ASPH: variants seen among roughly 807,000 people sequenced by gnomAD.
ASPH encodes aspartate beta-hydroxylase, also known as aspartyl/asparaginyl beta-hydroxylase.
In ASPH, 100 loss-of-function variants were observed where a neutral mutation model predicts 118.4. That is an observed-to-expected ratio of 0.84 (90% CI 0.72 to 1.00). ASPH has a LOEUF of 1.00. Among genes scored for constraint, ASPH ranks in the 50% least tolerant of loss-of-function variants. The pLI is 0.00. For synonymous variants in ASPH, 315 were observed against 325.6 expected (o/e 0.97, Z 0.35); for missense variants, 920 against 919.5 (o/e 1.00, Z -0.01).
At position 61,515,024 on chromosome 8, in the gene ASPH, G is replaced by A. The variant is rs557640801; in HGVS notation, c.2126+2504C>T. Among the ~76,000 whole-genome samples the A allele has an allele frequency of 1.1e-3, 162 of 148,598 alleles. 1 individual carries two copies. Among genetic ancestry groups the A allele is most frequent in the African/African-American group, 3.4e-3 (137 of 40,452 alleles). ...GCAGGCAGGCAGAAAGGAAAGAAGGGAGGGAGGAGGAAGGAAAGAAGGGAG... is the reference window on the plus strand; with the variant it reads ...GCAGGCAGGCAGAAAGGAAAGAAGGAAGGGAGGAGGAAGGAAAGAAGGGAG... On this transcript the variant is annotated intron_variant, in intron 24 of 24. Coordinates refer to ENST00000379454, the MANE Select transcript of ASPH (RefSeq NM_004318.4).
intron 3 of ASPH, among the ~76,000 whole-genome samples, chr8:61,654,453 T>C (rs1336898964): frequency 6.6e-6 from 1 of 152,156 alleles, no homozygotes; most frequent in Non-Finnish European, 1.5e-5. Flanking sequence ...CTGACCTCAT[T>C]AAGAATCTCC....
At chr8:61,530,074 C>T (rs1410734861) in intron 21 of ASPH, among the ~76,000 whole-genome samples, 2 of 152,150 alleles carry the variant, frequency 1.3e-5, no homozygotes, top group African/African-American at 4.8e-5. Context: ...TACACTAATA[C>T]CACCCACTTG....
chr8:61,638,978 T>C (rs1227683043), intron 10 of ASPH, among the ~76,000 whole-genome samples: 1 of 152,236 alleles, frequency 6.6e-6, no homozygotes, highest in Non-Finnish European at 1.5e-5. Context: ...CATCCTTCTT[T>C]TTCCCAGCAT....
In ASPH at chr8:61,614,010, G is replaced by A. The variant is rs150078182; in HGVS notation, c.976+4968C>T. Among the ~76,000 whole-genome samples, 112 of 152,088 alleles carry A rather than the reference G, an allele frequency of 7.4e-4. 1 individual carries two copies. The highest frequency in any genetic ancestry group is 2.6e-3 in the African/African-American group (107 of 41,490). ...ACTAGTTGCACCAAGCTGATTTACT[G>A]GCTGTAATACAGCCATCTCCACCTT... On this transcript the variant is annotated intron_variant, in intron 14 of 24. Transcript: ENST00000379454.
intron 14 of ASPH, among the ~76,000 whole-genome samples, chr8:61,618,067 T>C (rs1190148177): frequency 3.3e-5 from 5 of 151,882 alleles, no homozygotes; most frequent in Non-Finnish European, 7.4e-5. Context: ...TTAAACTATA[T>C]CCTTGTACTA....
Position 61,548,214 on chromosome 8 carries a change from G to C in ASPH, c.1627-6C>G. On this transcript the variant is annotated splice_polypyrimidine_tract_variant and splice_region_variant and intron_variant, in intron 20 of 24. Coordinates refer to ENST00000379454, the MANE Select transcript of ASPH (RefSeq NM_004318.4). ...AGCTCATACCACTTATATGCCTGAA[G>C]GAACAGAAAGAATGTGCTCCAAACT... 1 of 1,610,370 alleles carries C rather than the reference G, an allele frequency of 6.2e-7. No individual in the cohort carries two copies.
chr8:61,630,264 G>A (rs755467735), intron 13 of ASPH, among the ~76,000 whole-genome samples: 1 of 152,150 alleles, frequency 6.6e-6, no homozygotes, highest in Non-Finnish European at 1.5e-5. Context: ...TCAGCACTTT[G>A]CAGAAGTCCT....
intron 16 of ASPH, among the ~76,000 whole-genome samples, chr8:61,568,140 A>C (rs1287724620): frequency 1.3e-5 from 2 of 152,138 alleles, no homozygotes; most frequent in Non-Finnish European, 2.9e-5. Flanking sequence ...ACGGGAAGAC[A>C]ATGGGGGCTT....
chr8:61,714,461 G>C lies in ASPH; in HGVS notation c.-90C>G. Reference sequence around the variant, plus strand: ...GACGCGGGAACCGCTGGCGGCGGCGGGCCGCTGGAGCGGGTTCGGGCCGCT... The same window carrying C: ...GACGCGGGAACCGCTGGCGGCGGCGCGCCGCTGGAGCGGGTTCGGGCCGCT... On this transcript the variant is annotated 5_prime_UTR_variant, in exon 1 of 25. Transcript: ENST00000379454. 1.5e-6 allele frequency: 2 copies of C among 1,363,352 alleles called. No homozygotes were observed. Among genetic ancestry groups the C allele is most frequent in the Non-Finnish European group, 1.9e-6 (2 of 1,059,280 alleles). The allele number at this position is 1,363,352 out of a possible 1,614,324, so 84.5% of individuals were successfully genotyped here.
intron 21 of ASPH, among the ~76,000 whole-genome samples, chr8:61,544,265 T>C (rs1456946447): frequency 6.6e-6 from 1 of 152,236 alleles, no homozygotes; most frequent in African/African-American, 2.4e-5. Context: ...CTAATTGTTG[T>C]ATGTCTTTGC....
At chr8:61,647,883 G>A (rs760112350) in intron 5 of ASPH, among the ~76,000 whole-genome samples, 5 of 152,058 alleles carry the variant, frequency 3.3e-5, no homozygotes, top group Non-Finnish European at 5.9e-5. Flanking sequence ...CATGTTGCAT[G>A]ATTCCACTGC....
At chr8:61,714,115 G>A (rs1019335941) in intron 1 of ASPH, among the ~76,000 whole-genome samples, 154 bp downstream of exon 1, 1 of 152,158 alleles carries the variant, frequency 6.6e-6, no homozygotes, top group African/African-American at 2.4e-5. Flanking sequence ...CGCCGAATGC[G>A]GCCTCCGCCC....
chr8:61,703,086 C>A (rs1268350251), intron 1 of ASPH, among the ~76,000 whole-genome samples: 2 of 152,150 alleles, frequency 1.3e-5, no homozygotes, highest in African/African-American at 2.4e-5. Context: ...CCAAGTGGGA[C>A]TTTGAGTGAG....
intron 1 of ASPH, among the ~76,000 whole-genome samples, chr8:61,713,442 C>A (rs1324452750): frequency 6.6e-6 from 1 of 152,172 alleles, no homozygotes. Flanking sequence ...AACAAAGAGT[C>A]TAAATCACTT....
At chr8:61,579,610 A>C in intron 15 of ASPH, 2 of 1,520,760 alleles carry the variant, frequency 1.3e-6, no homozygotes, top group East Asian at 2.2e-5. Flanking sequence ...GTGGTTGTGA[A>C]GAAGATCGAG....
intron 22 of ASPH, among the ~76,000 whole-genome samples, chr8:61,520,475 AC>A (rs1272773879): frequency 5.3e-4 from 81 of 152,336 alleles, no homozygotes; most frequent in African/African-American, 1.4e-3. Context: ...AAAGGTATTC[AC>A]CCCAATCAAA....
intron 14 of ASPH, among the ~76,000 whole-genome samples, 172 bp from the exon 15 acceptor site, chr8:61,584,201 T>C (rs1332821420): frequency 6.6e-6 from 1 of 152,044 alleles, no homozygotes; most frequent in Non-Finnish European, 1.5e-5. Context: ...TGTGATGAAG[T>C]CAGTGACTGC....
At chr8:61,665,470 T>C (rs1466668349) in intron 3 of ASPH, 3 of 1,571,956 alleles carry the variant, frequency 1.9e-6, no homozygotes, top group Middle Eastern at 1.7e-4. Flanking sequence ...CCTTCCTGGA[T>C]AGGTCTGCAT....
chr8:61,608,110 T>C (rs1381195951), intron 14 of ASPH, among the ~76,000 whole-genome samples: 1 of 152,204 alleles, frequency 6.6e-6, no homozygotes, highest in Non-Finnish European at 1.5e-5. Context: ...CTGGCATCAA[T>C]GCAGTAGTAA....
Sources: gnomAD v4.1 joint callset for allele counts (sites outside exome capture counted in the v4.1 genomes callset) on GRCh38, gnomAD v4.1.1 for gene constraint, MANE v1.5 for transcripts, NCBI Gene and HGNC (gene_info 2026-07-23, HGNC 2026-07-21) for gene names.